The following CNBP variants were observed in gnomAD, a reference collection of about 807,000 sequenced individuals.
CNBP encodes the protein cellular nucleic acid-binding protein.
CNBP carries 6 observed loss-of-function variants against 21.2 expected under a neutral mutation model. That is an observed-to-expected ratio of 0.28 (90% CI 0.16 to 0.56). The LOEUF is 0.56. CNBP is among the 20% of genes least tolerant of loss of function. The probability of loss-of-function intolerance (pLI) is 0.93; values close to 1 mark genes in which losing one functional copy is unlikely to be tolerated. For missense variants in CNBP, 112 were observed against 233.1 expected (o/e 0.48, Z 3.38); for synonymous variants, 61 against 74.9 (o/e 0.81, Z 0.96).
In CNBP at chr3:129,183,494, A is replaced by G. The variant is rs370589669; in HGVS notation, c.-15+282T>C. 4.6e-5 allele frequency among the ~76,000 whole-genome samples: 7 copies of G among 152,332 alleles called. No individual in the cohort carries two copies. The East Asian group carries it at 7.7e-4, about 17-fold the overall frequency. On this transcript the variant is annotated intron_variant, in intron 1 of 4. Transcript: ENST00000422453. ...CGCACGGGCGGGCCTCCTCTGCCCT[A>G]AGCCTGCGGCCTGGGGTGCGGCCGT...
chr3:129,183,191 G>A (rs1474982544), intron 1 of CNBP, among the ~76,000 whole-genome samples: 2 of 152,084 alleles, frequency 1.3e-5, no homozygotes, highest in Admixed American at 6.6e-5. Flanking sequence ...CTCGTGATCC[G>A]CCCGCCTGGG....
intron 1 of CNBP, among the ~76,000 whole-genome samples, chr3:129,179,545 T>C (rs372542390): frequency 8.5e-5 from 13 of 152,284 alleles, no homozygotes; most frequent in South Asian, 8.3e-4. Context: ...TCACGAGTTA[T>C]GTATTCTTGC....
rs761706989 is a variant in CNBP, at chr3:129,170,509, G to A, written c.478C>T (p.Arg160Cys). 1.2e-6 allele frequency: 2 copies of A among 1,614,194 alleles called. No homozygotes were observed. The highest frequency in any genetic ancestry group is 1.7e-6 in the Non-Finnish European group (2 of 1,180,044). ...CSKTSEVNCY[R>C]CGESGHLARE... Reference sequence around the variant, plus strand: ...GCAAGGTGCCCTGACTCGCCACAGCGGTAACAGTTGACTTCACTTGTCTTG... The same window carrying A: ...GCAAGGTGCCCTGACTCGCCACAGCAGTAACAGTTGACTTCACTTGTCTTG... Residue 160 changes from arginine (R) to cysteine (C), a missense_variant, in exon 5 of 5, where the codon CGC (arginine) becomes TGC (cysteine). Physicochemically the swap from Arg to Cys is radical, Grantham distance 180. Transcript: ENST00000422453.
At chr3:129,178,149 ACT>A (rs1378464406) in intron 1 of CNBP, among the ~76,000 whole-genome samples, 2 of 108,962 alleles carry the variant, frequency 1.8e-5, no homozygotes, top group African/African-American at 3.2e-5. Context: ...ACAGAGCAAG[ACT>A]CTGTCTCAAA....
chr3:129,179,102 ATC>A (rs1938114502), intron 1 of CNBP, among the ~76,000 whole-genome samples: 1 of 151,868 alleles, frequency 6.6e-6, no homozygotes, highest in African/African-American at 2.4e-5. Context: ...ACATGGAGAA[ATC>A]CCGTCTCTAC....
rs1305836196 is a variant in CNBP, at chr3:129,183,767, A to C, written c.-15+9T>G. ...TCCGTCAGCGCCGGGCCCCTCCCCCAGCCCTCACCTTCCGCGTCGGAGCGG... is the reference window on the plus strand; with the variant it reads ...TCCGTCAGCGCCGGGCCCCTCCCCCCGCCCTCACCTTCCGCGTCGGAGCGG... On this transcript the variant is annotated intron_variant, in intron 1 of 4. Coordinates refer to ENST00000422453, the MANE Select transcript of CNBP (RefSeq NM_003418.5). 3 of 152,904 alleles carry C rather than the reference A, an allele frequency of 2.0e-5. No individual in the cohort carries two copies. The East Asian group carries it at 5.8e-4, about 30-fold the overall frequency. The allele number at this position is 152,904 out of a possible 1,614,324, so 9.5% of individuals were successfully genotyped here.
chr3:129,175,288 C>T (rs1040165994), intron 1 of CNBP, among the ~76,000 whole-genome samples: 1 of 151,804 alleles, frequency 6.6e-6, no homozygotes, highest in East Asian at 1.9e-4. Flanking sequence ...TGGGCCACCA[C>T]ACTCCAACCT....
Position 129,170,073 on chromosome 3 carries a change from A to G in CNBP, c.*380T>C. ...CCAAGACCATCATTATACTAAAATT[A>G]AAGTTATTTATGGAAGTTCATAGAC... On this transcript the variant is annotated 3_prime_UTR_variant, in exon 5 of 5. Transcript: ENST00000422453. 1 of 263,154 alleles carries G rather than the reference A, an allele frequency of 3.8e-6. No individual in the cohort carries two copies. The highest frequency in any genetic ancestry group is 5.4e-5 in the East Asian group (1 of 18,664). 16.3% of individuals were successfully genotyped at this position (263,154 alleles called of 1,614,324 possible).
At chr3:129,179,530 C>T (rs182577976) in intron 1 of CNBP, among the ~76,000 whole-genome samples, 34 of 152,260 alleles carry the variant, frequency 2.2e-4, no homozygotes, top group Middle Eastern at 3.4e-3. Context: ...TATAATCTTA[C>T]AACCTCACGA....
At chr3:129,183,699 C>T (rs1387094939) in intron 1 of CNBP, 77 bp downstream of exon 1, 1 of 152,806 alleles carries the variant, frequency 6.5e-6, no homozygotes, top group Non-Finnish European at 1.5e-5. Context: ...CCTCGCCGCT[C>T]CCTACCCTCT....
chr3:129,180,024 A>G (rs1019625992), intron 1 of CNBP, among the ~76,000 whole-genome samples: 1 of 151,626 alleles, frequency 6.6e-6, no homozygotes, highest in East Asian at 1.9e-4. Flanking sequence ...AAAGAAAAGG[A>G]AAAAAAAAGT....
chr3:129,181,875 A>G (rs1938325818), intron 1 of CNBP, among the ~76,000 whole-genome samples: 1 of 152,124 alleles, frequency 6.6e-6, no homozygotes. Flanking sequence ...AATGTAATAA[A>G]TTATTCCTTT....
rs1302554005 is a variant in CNBP at position 129,172,677 on chromosome 3, CAGACAGACAG to C, written c.-14-916_-14-907del. Among the ~76,000 whole-genome samples the C allele has an allele frequency of 1.2e-4, 14 of 117,206 alleles. No individual in the cohort carries two copies. The East Asian group carries it at 1.3e-3, about 11-fold the overall frequency. The allele number at this position is 117,206 out of a possible 152,430, so 76.9% of individuals were successfully genotyped here. ...GCAGGCAGACAGACAGACAGACAGA[CAGACAGACAG>C]ACAGACAGACACACACACACACACA... On this transcript the variant is annotated intron_variant, in intron 1 of 4. Transcript: ENST00000422453.
chr3:129,173,453 A>T (rs1254385407), intron 1 of CNBP, among the ~76,000 whole-genome samples: 5 of 152,298 alleles, frequency 3.3e-5, no homozygotes. Flanking sequence ...CACCTACAGC[A>T]CTGGCAACAT....
chr3:129,172,623 GCC>G (rs1560034720), intron 1 of CNBP, among the ~76,000 whole-genome samples: 3 of 53,672 alleles, frequency 5.6e-5, no homozygotes, highest in South Asian at 5.1e-4. Flanking sequence ...CAGACAGGCA[GCC>G]AGGCAGGCAG....
At chr3:129,173,792 T>C (rs542726216) in intron 1 of CNBP, among the ~76,000 whole-genome samples, 49 of 152,298 alleles carry the variant, frequency 3.2e-4, no homozygotes, top group African/African-American at 1.2e-3. Flanking sequence ...AAATATCCTC[T>C]CAAACCTAAG....
At chr3:129,172,616 ACAGGCAGCCAGGCAGG>A (rs1410390366) in intron 1 of CNBP, among the ~76,000 whole-genome samples, 8 of 49,422 alleles carry the variant, frequency 1.6e-4, no homozygotes, top group Admixed American at 8.4e-4. Context: ...AGACAGGCAG[ACAGGCAGCCAGGCAGG>A]CAGGCAGGCA....
rs1553787467 is a variant in CNBP, at chr3:129,172,695, GAC to G, written c.-14-926_-14-925del. ...AGACAGACAGACAGACAGACAGACA[GAC>G]ACACACACACACACACACACACACA... On this transcript the variant is annotated intron_variant, in intron 1 of 4. Coordinates refer to ENST00000422453, the MANE Select transcript of CNBP (RefSeq NM_003418.5). Among the ~76,000 whole-genome samples the G allele has an allele frequency of 0.035, 2,742 of 78,812 alleles. 72 individuals carry two copies. Among genetic ancestry groups the G allele is most frequent in the African/African-American group, 0.042 (891 of 21,174 alleles). 51.7% of individuals were successfully genotyped at this position (78,812 alleles called of 152,430 possible). A position where few individuals can be genotyped will look rare whatever the true frequency, so the allele number is the denominator to read the frequency against.
chr3:129,170,761 G>C (rs1195183648), intron 4 of CNBP, among the ~76,000 whole-genome samples, 191 bp from the exon 5 acceptor site: 4 of 152,034 alleles, frequency 2.6e-5, no homozygotes, highest in Non-Finnish European at 5.9e-5. Flanking sequence ...AAAGATTTCT[G>C]GTTACATGAT....
Sources: allele counts gnomAD v4.1 joint callset (sites outside exome capture counted in the v4.1 genomes callset), GRCh38; gene constraint gnomAD v4.1.1; transcripts MANE v1.5; gene names NCBI Gene and HGNC (gene_info 2026-07-23, HGNC 2026-07-21).